CCDC68: variants seen among roughly 807,000 people sequenced by gnomAD.
CCDC68 encodes coiled-coil domain containing 68, also known as coiled-coil domain-containing protein 68.
In CCDC68, 45 loss-of-function variants were observed where a neutral mutation model predicts 47.1. That is an observed-to-expected ratio of 0.96 (90% CI 0.75 to 1.23). The LOEUF (loss-of-function observed/expected upper bound fraction) is 1.23, where lower values mean the gene tolerates loss of function less well. CCDC68 is among the 50% of genes most tolerant of loss of function. The pLI, the probability that CCDC68 is intolerant of heterozygous loss-of-function variation, is 0.00. For missense variants in CCDC68, 353 were observed against 373.6 expected (o/e 0.94, Z 0.45); for synonymous variants, 131 against 129.5 (o/e 1.01, Z -0.08).
In CCDC68 at chr18:54,919,262, T is replaced by A; in HGVS notation, c.789+9A>T. ...TGTCTACCAGATAAATACACTTGAT[T>A]AATCTGACCTCCTGGATGACACTGC... On this transcript the variant is annotated intron_variant, in intron 9 of 11. Transcript: ENST00000591504. 6.2e-7 allele frequency: 1 copy of A among 1,605,316 alleles called. No individual in the cohort carries two copies. Among genetic ancestry groups the A allele is most frequent in the Non-Finnish European group, 8.5e-7 (1 of 1,172,066 alleles).
At chr18:54,941,986 CG>C (rs1478659740) in intron 3 of CCDC68, among the ~76,000 whole-genome samples, 1 of 152,112 alleles carries the variant, frequency 6.6e-6, no homozygotes, top group East Asian at 1.9e-4. Flanking sequence ...TAAGTAGAGA[CG>C]GGATTTCTCC....
At chr18:54,932,694 G>A (rs1317899324) in intron 7 of CCDC68, among the ~76,000 whole-genome samples, 2 of 152,146 alleles carry the variant, frequency 1.3e-5, no homozygotes, top group Non-Finnish European at 2.9e-5. Flanking sequence ...CCACTGTTGC[G>A]AGTTATTATC....
intron 7 of CCDC68, among the ~76,000 whole-genome samples, chr18:54,930,880 GGC>G (rs1390808427): frequency 1.3e-5 from 2 of 150,986 alleles, no homozygotes; most frequent in African/African-American, 2.4e-5. Context: ...CACCACGCCC[GGC>G]TAATTTTGTA....
At chr18:54,938,124 A>C in intron 4 of CCDC68, 27 bp from the exon 5 acceptor site, 1 of 1,594,838 alleles carries the variant, frequency 6.3e-7, no homozygotes, top group Non-Finnish European at 8.5e-7. Context: ...AAAATCATAG[A>C]CCTGACTATC....
At chr18:54,937,916 A>G in intron 5 of CCDC68, 41 bp downstream of exon 5, 1 of 1,581,604 alleles carries the variant, frequency 6.3e-7, no homozygotes, top group South Asian at 1.2e-5. Flanking sequence ...TATTAGCTCG[A>G]AGGCTCAAAA....
intron 1 of CCDC68, among the ~76,000 whole-genome samples, chr18:54,949,742 G>A (rs1310831879): frequency 6.6e-6 from 1 of 152,162 alleles, no homozygotes; most frequent in South Asian, 2.1e-4. Flanking sequence ...TCACTCCCTG[G>A]AGCTGGGGCA....
chr18:54,931,014 G>A (rs1400090536), intron 7 of CCDC68, among the ~76,000 whole-genome samples: 6 of 151,798 alleles, frequency 4.0e-5, no homozygotes, highest in East Asian at 3.9e-4. Context: ...CACTGCGCCC[G>A]GCCCACAGAT....
intron 1 of CCDC68, among the ~76,000 whole-genome samples, chr18:54,949,597 G>T (rs1189513627): frequency 6.6e-6 from 1 of 152,216 alleles, no homozygotes; most frequent in African/African-American, 2.4e-5. Context: ...ACTCACGTCT[G>T]GGGGCTGCTG....
At chr18:54,918,523 T>C (rs1366304320) in intron 9 of CCDC68, among the ~76,000 whole-genome samples, 1 of 152,224 alleles carries the variant, frequency 6.6e-6, no homozygotes, top group Non-Finnish European at 1.5e-5. Context: ...TTGGCACCAC[T>C]AGCTGTCATT....
intron 4 of CCDC68, among the ~76,000 whole-genome samples, chr18:54,939,125 T>TA (rs1460440842): frequency 2.6e-5 from 4 of 152,188 alleles, no homozygotes; most frequent in African/African-American, 9.6e-5. Flanking sequence ...ATTGCAGAAA[T>TA]AAAAAACAAA....
Position 54,956,308 on chromosome 18 carries a change from T to C in CCDC68, c.-103+3028A>G, listed in dbSNP as rs116846690. Among the ~76,000 whole-genome samples the C allele has an allele frequency of 6.6e-3, 999 of 152,312 alleles. 6 individuals carry two copies. The highest frequency in any genetic ancestry group is 0.019 in the South Asian group (91 of 4,830). On this transcript the variant is annotated intron_variant, in intron 1 of 11. Transcript: ENST00000591504. Reference sequence around the variant, plus strand: ...CAGCCAAGGTAAGAAGTTCTTAACATTGGTTTGTTGGAGAGTTACACACAG... The same window carrying C: ...CAGCCAAGGTAAGAAGTTCTTAACACTGGTTTGTTGGAGAGTTACACACAG...
At chr18:54,931,526 G>A (rs1478529135) in intron 7 of CCDC68, among the ~76,000 whole-genome samples, 1 of 152,180 alleles carries the variant, frequency 6.6e-6, no homozygotes, top group Non-Finnish European at 1.5e-5. Context: ...AAAGGGTTGT[G>A]ATCTAGAAAG....
chr18:54,934,611 A>C (rs1016492807), intron 7 of CCDC68, among the ~76,000 whole-genome samples: 6 of 152,236 alleles, frequency 3.9e-5, no homozygotes, highest in Admixed American at 3.9e-4. Flanking sequence ...ATTTGCAGAA[A>C]GGTAAATCAA....
chr18:54,905,997 G>A (rs187303784), intron 11 of CCDC68, among the ~76,000 whole-genome samples: 1 of 152,296 alleles, frequency 6.6e-6, no homozygotes, highest in East Asian at 1.9e-4. Flanking sequence ...ACCCCCAGAT[G>A]GGACTGGCTA....
At chr18:54,948,695 T>C (rs2044565794) in intron 1 of CCDC68, among the ~76,000 whole-genome samples, 1 of 152,166 alleles carries the variant, frequency 6.6e-6, no homozygotes, top group Admixed American at 6.5e-5. Context: ...CCTAGTTTCG[T>C]AGGATTTTCA....
rs773214756 is a variant in CCDC68 at position 54,942,660 on chromosome 18, C to A, written c.117+15G>T. The A allele has an allele frequency of 7.0e-7, 1 of 1,419,792 alleles. No individual in the cohort carries two copies. Among genetic ancestry groups the A allele is most frequent in the East Asian group, 2.3e-5 (1 of 43,150 alleles). 87.9% of individuals were successfully genotyped at this position (1,419,792 alleles called of 1,614,324 possible). On this transcript the variant is annotated intron_variant, in intron 3 of 11. Transcript: ENST00000591504. The stretch of plus-strand genomic sequence containing the variant: ...AAAAATCATATCATACTAATGATTT[C>A]TGCTACCCACATACCTTTTTCACAT...
At position 54,936,814 on chromosome 18, in the gene CCDC68, C is replaced by T. The variant is rs964934994; in HGVS notation, c.471+19G>A. ...GGGTGGGGGCTAGTTCTCCAATAGA[C>T]AAGCTGCATGTTTGGTACCTGGAGT... On this transcript the variant is annotated intron_variant, in intron 6 of 11. Transcript: ENST00000591504. 2 of 1,613,804 alleles carry T rather than the reference C, an allele frequency of 1.2e-6. No individual in the cohort carries two copies. The highest frequency in any genetic ancestry group is 1.7e-5 in the Admixed American group (1 of 59,978).
At chr18:54,925,546 A>G (rs1263793789) in intron 8 of CCDC68, among the ~76,000 whole-genome samples, 1 of 152,238 alleles carries the variant, frequency 6.6e-6, no homozygotes, top group Non-Finnish European at 1.5e-5. Flanking sequence ...AACGAAAGCC[A>G]TGTTGCAGGC....
At chr18:54,928,197 T>C (rs1207155677) in intron 8 of CCDC68, among the ~76,000 whole-genome samples, 1 of 152,214 alleles carries the variant, frequency 6.6e-6, no homozygotes, top group Admixed American at 6.5e-5. Flanking sequence ...ATACAGAGAC[T>C]TTTTCTAATA....
Sources: gnomAD v4.1 joint callset for allele counts (sites outside exome capture counted in the v4.1 genomes callset) on GRCh38, gnomAD v4.1.1 for gene constraint, MANE v1.5 for transcripts, NCBI Gene and HGNC (gene_info 2026-07-23, HGNC 2026-07-21) for gene names.